Variants in RP1 observed in about 807,000 individuals in gnomAD.
The protein encoded by RP1 is oxygen-regulated protein 1.
A neutral mutation model predicts 14.8 loss-of-function variants in RP1; 16 were observed. That is an observed-to-expected ratio of 1.08 (90% CI 0.73 to 1.65). The LOEUF (loss-of-function observed/expected upper bound fraction) is 1.65, where lower values mean the gene tolerates loss of function less well. Ranked by LOEUF, RP1 falls within the 40% of genes most tolerant of loss-of-function variation. The pLI, the probability that RP1 is intolerant of heterozygous loss-of-function variation, is 0.00. For missense variants in RP1, 2,631 were observed against 2,535.0 expected (o/e 1.04, Z -0.81); for synonymous variants, 876 against 883.6 (o/e 0.99, Z 0.15).
At chr8:54,848,195 G>T (rs1327885103) in intron 25 of RP1, among the ~76,000 whole-genome samples, 1 of 152,148 alleles carries the variant, frequency 6.6e-6, no homozygotes, top group African/African-American at 2.4e-5. Context: ...GGCAGCAAAA[G>T]TTCCTGAGTG....
chr8:54,746,211 G>A (rs1809221042), intron 19 of RP1, among the ~76,000 whole-genome samples: 1 of 152,112 alleles, frequency 6.6e-6, no homozygotes, highest in Non-Finnish European at 1.5e-5. Context: ...AGTGTTTGTT[G>A]AAATCATTCC....
chr8:54,778,170 G>T (rs1419757649), intron 23 of RP1, among the ~76,000 whole-genome samples: 2 of 152,074 alleles, frequency 1.3e-5, no homozygotes, highest in African/African-American at 4.8e-5. Flanking sequence ...GTGCCCTTCA[G>T]GGACTTACAA....
intron 1 of RP1, among the ~76,000 whole-genome samples, chr8:54,572,762 G>A (rs1401945705): frequency 2.0e-5 from 3 of 152,152 alleles, no homozygotes; most frequent in Non-Finnish European, 2.9e-5. Flanking sequence ...CAGCACACAG[G>A]ACATGGGACC....
chr8:54,672,638 T>C (rs1325410318), intron 7 of RP1, among the ~76,000 whole-genome samples: 2 of 152,230 alleles, frequency 1.3e-5, no homozygotes, highest in Non-Finnish European at 2.9e-5. Flanking sequence ...TGTATGTATA[T>C]TGTTAAATGT....
intron 16 of RP1, among the ~76,000 whole-genome samples, chr8:54,725,787 A>G (rs1010421484): frequency 8.5e-5 from 13 of 152,326 alleles, no homozygotes; most frequent in African/African-American, 3.1e-4. Context: ...CTAAATATAA[A>G]TAACACTTAG....
intron 11 of RP1, chr8:54,679,651 A>G (rs2129335220): frequency 6.5e-7 from 1 of 1,535,146 alleles, no homozygotes; most frequent in East Asian, 2.4e-5. Context: ...TGGGCTTTAG[A>G]TTATCTCATA....
exon 4 of RP1, chr8:54,649,039 G>T (rs890910922): frequency 6.5e-7 from 1 of 1,530,836 alleles, no homozygotes; most frequent in African/African-American, 1.4e-5. Context: ...GCAGGGACCA[G>T]CTCACAGATT....
rs768930539 is a variant in RP1, at chr8:54,630,062, A to C, written c.6180A>C (p.Glu2060Asp). The change falls in exon 4 of 4, where the codon GAA becomes GAC. Residue 2060 changes from glutamate to aspartate, a missense_variant. By Grantham distance (45) the Glu-to-Asp change is conservative. Transcript: ENST00000220676. ...NTQDLSGQTN[E>D]IFKAVDENNN... is the part of the protein sequence containing the mutation. ...AAGACCTCAGCGGTCAGACAAATGA[A>C]ATCTTTAAAGCAGTCGATGAGAATA... 6.2e-7 allele frequency: 1 copy of C among 1,614,010 alleles called. No homozygotes were observed. The highest frequency in any genetic ancestry group is 8.5e-7 in the Non-Finnish European group (1 of 1,179,952).
intron 1 of RP1, among the ~76,000 whole-genome samples, chr8:54,578,498 G>A (rs188927491): frequency 1.3e-5 from 2 of 152,212 alleles, no homozygotes; most frequent in Admixed American, 1.3e-4. Flanking sequence ...GTGAGCCACT[G>A]CACCTGACCT....
intron 15 of RP1, among the ~76,000 whole-genome samples, chr8:54,709,086 G>C (rs1343226747): frequency 2.6e-5 from 4 of 152,184 alleles, no homozygotes; most frequent in Non-Finnish European, 5.9e-5. Flanking sequence ...GCTTTGTCCA[G>C]GTTTGCCCAC....
At chr8:54,713,313 C>A (rs1011801147) in intron 15 of RP1, among the ~76,000 whole-genome samples, 1 of 151,838 alleles carries the variant, frequency 6.6e-6, no homozygotes. Flanking sequence ...AAACAGCAGG[C>A]CGTTCATAGG....
Position 54,759,129 on chromosome 8 carries a change from GC to G in RP1, c.3248+54del, listed in dbSNP as rs1476407781. ...AAGAGTATGCTGCACTGTGGATGATGCTGTGTGTGTGTGTGTGTGTGTGTGT... is the reference window on the plus strand; with the variant it reads ...AAGAGTATGCTGCACTGTGGATGATGTGTGTGTGTGTGTGTGTGTGTGTGT... On this transcript the variant is annotated intron_variant, in intron 22 of 22. Coordinates refer to the RP1 transcript ENST00000636932. 6 of 1,013,384 alleles carry G rather than the reference GC, an allele frequency of 5.9e-6. No homozygotes were observed. In the African/African-American group the frequency reaches 9.8e-5, roughly 17 times the overall value. The allele number at this position is 1,013,384 out of a possible 1,614,324, so 62.8% of individuals were successfully genotyped here. A position where few individuals can be genotyped will look rare whatever the true frequency, so the allele number is the denominator to read the frequency against.
exon 18 of RP1, chr8:54,734,644 C>G (rs1443963662): frequency 1.3e-5 from 20 of 1,535,810 alleles, no homozygotes; most frequent in Non-Finnish European, 1.7e-5. Flanking sequence ...GCCAATGTCA[C>G]TCTCTGGGTG....
chr8:54,654,127 C>T (rs1806711116), intron 5 of RP1, among the ~76,000 whole-genome samples: 1 of 152,172 alleles, frequency 6.6e-6, no homozygotes, highest in African/African-American at 2.4e-5. Context: ...CATTCTTGAT[C>T]CAAAGTTTCC....
rs28399531 is a variant in RP1 at position 54,626,137 on chromosome 8, C to T, written c.2255C>T (p.Thr752Met). ...TFCSKSNLNS[T>M]ISKNFHRNKL... ...TGTTCCAAAAGTAATCTCAATTCCA[C>T]GATTTCCAAGAATTTCCATAGAAAT... is the stretch of plus-strand genomic sequence containing the variant. The change falls in exon 4 of 4, where the codon ACG becomes ATG. Residue 752 changes from threonine (T) to methionine (M), a missense_variant. By Grantham distance (81) the Thr-to-Met change is moderately conservative. Coordinates refer to ENST00000220676, the MANE Select transcript of RP1 (RefSeq NM_006269.2). 2,386 of 1,612,770 alleles carry T rather than the reference C, an allele frequency of 1.5e-3. 36 individuals carry two copies. The African/African-American group carries it at 0.027, about 18-fold the overall frequency.
intron 19 of RP1, among the ~76,000 whole-genome samples, chr8:54,752,829 CCA>C (rs1377217908): frequency 8.5e-5 from 13 of 152,162 alleles, no homozygotes; most frequent in Admixed American, 7.9e-4. Flanking sequence ...CGTGCAAATT[CCA>C]CACAGACACT....
chr8:54,838,579 G>A (rs191672770), intron 25 of RP1, among the ~76,000 whole-genome samples: 6 of 152,232 alleles, frequency 3.9e-5, no homozygotes, highest in Non-Finnish European at 7.4e-5. Context: ...GCTTATATAT[G>A]TATGTGCGTG....
Position 54,695,137 on chromosome 8 carries a change from A to G in RP1, c.1718-4330A>G, listed in dbSNP as rs530437674. On this transcript the variant is annotated intron_variant, in intron 12 of 22. Transcript: ENST00000636932. ...CCATGTAGTTGAGCGGTTTTGAGTG[A>G]GTTTCTTAATCCTGAGTTCTAGTTT... 4.6e-5 allele frequency among the ~76,000 whole-genome samples: 7 copies of G among 152,078 alleles called. No individual in the cohort carries two copies. The East Asian group carries it at 1.4e-3, about 29-fold the overall frequency.
chr8:54,652,770 C>A, intron 4 of RP1: 1 of 1,529,984 alleles, frequency 6.5e-7, no homozygotes, highest in Non-Finnish European at 8.8e-7. Context: ...GTTCCCTTGG[C>A]TCTTCATAGA....
Sources: gnomAD v4.1 joint callset for allele counts (sites outside exome capture counted in the v4.1 genomes callset) on GRCh38, gnomAD v4.1.1 for gene constraint, MANE v1.5 for transcripts, NCBI Gene and HGNC (gene_info 2026-07-23, HGNC 2026-07-21) for gene names.